ST3GAL3: variants seen among roughly 807,000 people sequenced by gnomAD.
The protein encoded by ST3GAL3 is CMP-N-acetylneuraminate-beta-1,4-galactoside alpha-2,3-sialyltransferase.
In ST3GAL3, 21 loss-of-function variants were observed where a neutral mutation model predicts 50.1. That is an observed-to-expected ratio of 0.42 (90% CI 0.30 to 0.60). ST3GAL3 has a LOEUF of 0.60. Ranked by LOEUF, ST3GAL3 falls within the 20% of genes least tolerant of loss-of-function variation. The pLI is 0.19. For synonymous variants in ST3GAL3, 183 were observed against 190.0 expected, an observed-to-expected ratio of 0.96 and a Z score of 0.30; for missense variants, 353 against 489.4, an observed-to-expected ratio of 0.72 and a Z score of 2.63.
chr1:43,815,399 C>CCTGAAAT (rs2061109932), intron 4 of ST3GAL3, among the ~76,000 whole-genome samples: 1 of 152,178 alleles, frequency 6.6e-6, no homozygotes, highest in Non-Finnish European at 1.5e-5. Context: ...TTTGCATGTG[C>CCTGAAAT]TTGTTATCTG....
chr1:43,898,965 A>C, intron 7 of ST3GAL3: 5 of 643,174 alleles, frequency 7.8e-6, no homozygotes, highest in East Asian at 2.8e-5. Context: ...GGGCCTAGAT[A>C]GAGATGCTGG....
chr1:43,788,441 ACT>A (rs1487119454), intron 2 of ST3GAL3, among the ~76,000 whole-genome samples: 1 of 151,812 alleles, frequency 6.6e-6, no homozygotes, highest in Non-Finnish European at 1.5e-5. Context: ...CGCCTGGAAA[ACT>A]CTTAGGATGC....
At chr1:43,893,078 T>C (rs1274377893) in intron 5 of ST3GAL3, among the ~76,000 whole-genome samples, 1 of 152,186 alleles carries the variant, frequency 6.6e-6, no homozygotes, top group African/African-American at 2.4e-5. Context: ...GGAGCAGGAT[T>C]CCAAGTTTTC....
chr1:43,893,554 G>C (rs557397992), intron 5 of ST3GAL3, among the ~76,000 whole-genome samples: 1 of 151,916 alleles, frequency 6.6e-6, no homozygotes, highest in Non-Finnish European at 1.5e-5. Flanking sequence ...TTCAGACTTC[G>C]TCTCCTCCTC....
At chr1:43,924,469 C>A (rs1177497293) in intron 11 of ST3GAL3, among the ~76,000 whole-genome samples, 1 of 152,232 alleles carries the variant, frequency 6.6e-6, no homozygotes, top group African/African-American at 2.4e-5. Flanking sequence ...ATGGCCAAAT[C>A]GCAATGGGCT....
chr1:43,809,094 A>G (rs2154171416), intron 3 of ST3GAL3, among the ~76,000 whole-genome samples: 1 of 152,326 alleles, frequency 6.6e-6, no homozygotes, highest in Admixed American at 6.5e-5. Context: ...GCCAATCAGA[A>G]ATTACAAGGC....
intron 5 of ST3GAL3, among the ~76,000 whole-genome samples, chr1:43,843,922 A>C (rs2065825240): frequency 6.6e-6 from 1 of 152,360 alleles, no homozygotes; most frequent in East Asian, 1.9e-4. Context: ...TTCAGATGCT[A>C]ATCACAAGTA....
At chr1:43,805,777 C>T (rs978056027) in intron 3 of ST3GAL3, among the ~76,000 whole-genome samples, 1 of 152,152 alleles carries the variant, frequency 6.6e-6, no homozygotes, top group Admixed American at 6.5e-5. Context: ...ACACTGTCAC[C>T]GAGGCTGAAG....
rs186003691 is a variant in ST3GAL3, at chr1:43,716,459, C to G, written c.-31+8766C>G. On this transcript the variant is annotated intron_variant, in intron 1 of 11. Coordinates refer to ENST00000347631, the MANE Select transcript of ST3GAL3 (RefSeq NM_006279.5). ...TTAGTTATGATCCTATTTAAAAGAT[C>G]CTATTACGGGCTTGCTTTGGCAGCA... 3 of 152,212 alleles carry G rather than the reference C, an allele frequency of 2.0e-5. No individual in the cohort carries two copies. In the East Asian group the frequency reaches 5.8e-4, roughly 29 times the overall value. 9.4% of individuals were successfully genotyped at this position (152,212 alleles called of 1,614,324 possible). A position where few individuals can be genotyped will look rare whatever the true frequency, so the allele number is the denominator to read the frequency against.
At chr1:43,917,649 A>AATATAAT (rs1186604713) in intron 9 of ST3GAL3, among the ~76,000 whole-genome samples, 36 of 68,542 alleles carry the variant, frequency 5.3e-4, no homozygotes, top group African/African-American at 1.9e-3. Flanking sequence ...TATAATATAT[A>AATATAAT]ATATAATATA....
At chr1:43,793,415 C>T (rs920457772) in intron 3 of ST3GAL3, among the ~76,000 whole-genome samples, 2 of 152,082 alleles carry the variant, frequency 1.3e-5, no homozygotes, top group Non-Finnish European at 2.9e-5. Flanking sequence ...TCAAAATACA[C>T]AATAAATTTT....
intron 11 of ST3GAL3, among the ~76,000 whole-genome samples, chr1:43,923,273 A>G (rs1276921453): frequency 6.6e-6 from 1 of 151,896 alleles, no homozygotes; most frequent in East Asian, 1.9e-4. Flanking sequence ...CAAAAAAAAA[A>G]AAAAAAAAGC....
chr1:43,721,858 C>A (rs577767914), intron 1 of ST3GAL3, among the ~76,000 whole-genome samples: 3 of 152,212 alleles, frequency 2.0e-5, no homozygotes, highest in African/African-American at 7.2e-5. Context: ...GCCTTGGCCT[C>A]CCAAAGTGCT....
chr1:43,887,902 C>G (rs907341720), intron 5 of ST3GAL3, among the ~76,000 whole-genome samples: 3 of 151,908 alleles, frequency 2.0e-5, no homozygotes, highest in African/African-American at 7.3e-5. Flanking sequence ...TTGTTCCCAC[C>G]TTGAAACCTG....
chr1:43,873,565 A>C (rs1339503218), intron 5 of ST3GAL3, among the ~76,000 whole-genome samples: 1 of 152,122 alleles, frequency 6.6e-6, no homozygotes, highest in Non-Finnish European at 1.5e-5. Context: ...TGGGCAGATC[A>C]CCTGAGGCCA....
At chr1:43,743,093 A>G (rs1484121494) in intron 2 of ST3GAL3, among the ~76,000 whole-genome samples, 1 of 151,824 alleles carries the variant, frequency 6.6e-6, no homozygotes, top group Non-Finnish European at 1.5e-5. Flanking sequence ...CGTCTCAAAA[A>G]AAAAAAAAAA....
chr1:43,808,432 A>G (rs1445327861), intron 3 of ST3GAL3, among the ~76,000 whole-genome samples: 2 of 152,108 alleles, frequency 1.3e-5, no homozygotes, highest in Admixed American at 1.3e-4. Context: ...GTCTAGACTG[A>G]ATGAAGGAAA....
rs537291003 is a variant in ST3GAL3, at chr1:43,766,706, A to G, written c.119-25396A>G. Among the ~76,000 whole-genome samples, 8 of 152,278 alleles carry G rather than the reference A, an allele frequency of 5.3e-5. No individual in the cohort carries two copies. The South Asian group carries it at 1.7e-3, about 32-fold the overall frequency. On this transcript the variant is annotated intron_variant, in intron 2 of 11. Transcript: ENST00000347631. ...AGATTTAATGCAGCAGGGCCATTAA[A>G]GGCTTCTACCCTTAATGGAAAGACC...
chr1:43,792,508 A>G (rs189792807), intron 3 of ST3GAL3, among the ~76,000 whole-genome samples: 79 of 152,316 alleles, frequency 5.2e-4, no homozygotes, highest in Admixed American at 1.8e-3. Flanking sequence ...GGAGCAGATA[A>G]CCATCAGGGC....
Sources: gnomAD v4.1 joint callset for allele counts (sites outside exome capture counted in the v4.1 genomes callset) on GRCh38, gnomAD v4.1.1 for gene constraint, MANE v1.5 for transcripts, NCBI Gene and HGNC (gene_info 2026-07-23, HGNC 2026-07-21) for gene names.